Variants in CFTR observed in about 807,000 individuals in gnomAD.
CFTR encodes the protein cystic fibrosis transmembrane conductance regulator.
A neutral mutation model predicts 171.6 loss-of-function variants in CFTR; 181 were observed. That is an observed-to-expected ratio of 1.05 (90% CI 0.93 to 1.19). The LOEUF (loss-of-function observed/expected upper bound fraction) is 1.19. Among genes scored for constraint, CFTR ranks in the 50% most tolerant of loss-of-function variants. The pLI is 0.00. For missense variants in CFTR, 1,968 were observed against 1,734.7 expected (o/e 1.13, Z -2.39); for synonymous variants, 583 against 608.0 (o/e 0.96, Z 0.60).
At position 117,503,728 on chromosome 7, in the gene CFTR, A is replaced by C. The variant is rs942396245; in HGVS notation, c.54-525A>C. Among the ~76,000 whole-genome samples the C allele has an allele frequency of 9.2e-5, 14 of 152,344 alleles. No homozygotes were observed. In the Middle Eastern group the frequency reaches 0.01, roughly 111 times the overall value. On this transcript the variant is annotated intron_variant, in intron 1 of 26. Transcript: ENST00000003084. Reference sequence around the variant, plus strand: ...ACATGATAATTAAGTCAACAAATTGATAGAAACTAATCACTAACTCTCTGG... The same window carrying C: ...ACATGATAATTAAGTCAACAAATTGCTAGAAACTAATCACTAACTCTCTGG...
rs748899228 is a variant in CFTR at position 117,504,265 on chromosome 7, A to G, written c.66A>G (p.Pro22=). The change falls in exon 2 of 27, where the codon CCA becomes CCG. Residue 22 remains proline (P), a synonymous_variant. Coordinates refer to ENST00000003084, the MANE Select transcript of CFTR (RefSeq NM_000492.4). ...CTCTTTATTTTAGCTGGACCAGACC[A>G]ATTTTGAGGAAAGGATACAGACAGC... is the stretch of plus-strand genomic sequence containing the variant. ...VSKLFFSWTR[P]ILRKGYRQRL... The G allele has an allele frequency of 1.1e-5, 18 of 1,606,576 alleles. No individual in the cohort carries two copies. In the African/African-American group the frequency reaches 2.1e-4, roughly 19 times the overall value.
rs139054556 is a variant in CFTR, at chr7:117,559,500, C to G, written c.1429C>G (p.Pro477Ala). 3.7e-6 allele frequency: 6 copies of G among 1,610,962 alleles called. No homozygotes were observed. Among genetic ancestry groups the G allele is most frequent in the South Asian group, 2.2e-5 (2 of 91,020 alleles). ...LLMVIMGELE[P>A]SEGKIKHSGR... ...AATGGTGATTATGGGAGAACTGGAG[C>G]CTTCAGAGGGTAAAATTAAGCACAG... Residue 477 changes from proline to alanine, a missense_variant, in exon 11 of 27, where the codon CCT (proline) becomes GCT (alanine). By Grantham distance (27) the Pro-to-Ala change is conservative. Coordinates refer to ENST00000003084, the MANE Select transcript of CFTR (RefSeq NM_000492.4).
intron 3 of CFTR, among the ~76,000 whole-genome samples, chr7:117,512,664 C>T (rs1196083342): frequency 6.8e-5 from 10 of 146,790 alleles, no homozygotes. Flanking sequence ...AGACTCCTAG[C>T]ATGGAAGAGA....
chr7:117,509,059 A>G lies in CFTR; in HGVS notation c.190A>G (p.Lys64Glu), dbSNP rs1463491110. 1.9e-6 allele frequency: 3 copies of G among 1,612,566 alleles called. No individual in the cohort carries two copies. The highest frequency in any genetic ancestry group is 1.3e-5 in the African/African-American group (1 of 75,032). Residue 64 changes from lysine to glutamate, a missense_variant, in exon 3 of 27, where the codon AAG becomes GAG. Physicochemically the swap from Lys to Glu is moderately conservative, Grantham distance 56. Transcript: ENST00000003084. ...AGAATGGGATAGAGAGCTGGCTTCA[A>G]AGAAAAATCCTAAACTCATTAATGC... Reference protein sequence around the residue: ...EREWDRELASKKNPKLINALR... With the variant: ...EREWDRELASEKNPKLINALR...
chr7:117,486,191 A>G (rs1007180808), intron 1 of CFTR, among the ~76,000 whole-genome samples: 3 of 152,194 alleles, frequency 2.0e-5, no homozygotes, highest in Non-Finnish European at 2.9e-5. Context: ...AGGACTACTC[A>G]GGCCTGAAGC....
chr7:117,666,200 TAAAAC>T (rs1002420125), intron 26 of CFTR, among the ~76,000 whole-genome samples: 24 of 152,264 alleles, frequency 1.6e-4, no homozygotes, highest in African/African-American at 5.8e-4. Flanking sequence ...CTGTCTTTAT[TAAAAC>T]AAAACAAAAC....
chr7:117,577,917 C>T (rs562799667), intron 11 of CFTR, among the ~76,000 whole-genome samples: 37 of 152,208 alleles, frequency 2.4e-4, no homozygotes, highest in African/African-American at 8.9e-4. Flanking sequence ...AGAAAATAAT[C>T]ATCCCCTTTT....
intron 23 of CFTR, among the ~76,000 whole-genome samples, chr7:117,644,589 T>C (rs979345785): frequency 1.1e-3 from 165 of 152,184 alleles, no homozygotes; most frequent in African/African-American, 3.8e-3. Flanking sequence ...TTTTCAGACA[T>C]ATGAAACAGG....
chr7:117,639,794 A>C (rs1211144097), intron 22 of CFTR, among the ~76,000 whole-genome samples: 4 of 152,204 alleles, frequency 2.6e-5, no homozygotes, highest in African/African-American at 9.6e-5. Flanking sequence ...TATTCTCAAT[A>C]CTATGTTTCA....
intron 3 of CFTR, among the ~76,000 whole-genome samples, chr7:117,514,045 T>C (rs1394780114): frequency 6.6e-6 from 1 of 152,160 alleles, no homozygotes; most frequent in East Asian, 1.9e-4. Flanking sequence ...CGATTCTAAT[T>C]ATATAGCCAA....
chr7:117,543,245 T>G (rs1476418311), intron 9 of CFTR, among the ~76,000 whole-genome samples: 1 of 152,222 alleles, frequency 6.6e-6, no homozygotes, highest in Non-Finnish European at 1.5e-5. Flanking sequence ...TCATTTTACT[T>G]CATTTTTTAA....
At position 117,530,901 on chromosome 7, in the gene CFTR, A is replaced by T. The variant is rs397508432; in HGVS notation, c.276A>T (p.Glu92Asp). ...TCTCTGTTTTTCCCCTTTTGTAGGA[A>T]GTCACCAAAGCAGTACAGCCTCTCT... ...MFYGIFLYLG[E>D]VTKAVQPLLL... is the part of the protein sequence containing the mutation. Residue 92 changes from glutamate (E) to aspartate (D), a missense_variant and splice_region_variant, in exon 4 of 27, where the codon GAA (glutamate) becomes GAT (aspartate). By Grantham distance (45) the Glu-to-Asp change is conservative. Coordinates refer to ENST00000003084, the MANE Select transcript of CFTR (RefSeq NM_000492.4). 1 of 1,602,462 alleles carries T rather than the reference A, an allele frequency of 6.2e-7. No individual in the cohort carries two copies. The highest frequency in any genetic ancestry group is 8.5e-7 in the Non-Finnish European group (1 of 1,170,054).
intron 15 of CFTR, 96 bp downstream of exon 15, chr7:117,595,154 T>C (rs112839624): frequency 1.5e-5 from 14 of 954,132 alleles, no homozygotes; most frequent in African/African-American, 8.1e-5. Context: ...TAAATATGTA[T>C]ATATACACAT....
intron 10 of CFTR, among the ~76,000 whole-genome samples, chr7:117,555,026 G>C (rs1799329745): frequency 1.3e-5 from 2 of 151,694 alleles, no homozygotes; most frequent in Non-Finnish European, 2.9e-5. Context: ...GAACTGCATG[G>C]GTCCACTTAT....
intron 11 of CFTR, among the ~76,000 whole-genome samples, chr7:117,579,978 T>A (rs1791826522): frequency 6.6e-6 from 1 of 151,918 alleles, no homozygotes. Flanking sequence ...GGATACTCAA[T>A]GTATAACCTG....
At chr7:117,536,364 C>T (rs1798955141) in intron 6 of CFTR, among the ~76,000 whole-genome samples, 184 bp from the exon 7 acceptor site, 1 of 152,208 alleles carries the variant, frequency 6.6e-6, no homozygotes, top group African/African-American at 2.4e-5. Context: ...TGTACAGCGT[C>T]TGGCACATAG....
chr7:117,571,266 C>T (rs1791682870), intron 11 of CFTR, among the ~76,000 whole-genome samples: 1 of 152,086 alleles, frequency 6.6e-6, no homozygotes, highest in African/African-American at 2.4e-5. Context: ...GACTTACTTA[C>T]CAGGGAGCTG....
At chr7:117,524,374 T>A (rs193201453) in intron 3 of CFTR, among the ~76,000 whole-genome samples, 9 of 144,866 alleles carry the variant, frequency 6.2e-5, no homozygotes, top group African/African-American at 1.3e-4. Context: ...TTTGGCCAAG[T>A]ACAAACCCAC....
intron 20 of CFTR, among the ~76,000 whole-genome samples, chr7:117,614,382 C>T (rs1333317109): frequency 6.6e-6 from 1 of 152,108 alleles, no homozygotes; most frequent in African/African-American, 2.4e-5. Flanking sequence ...CAACACTTTC[C>T]TAATATTCAA....
Sources: gnomAD v4.1 joint callset for allele counts (sites outside exome capture counted in the v4.1 genomes callset) on GRCh38, gnomAD v4.1.1 for gene constraint, MANE v1.5 for transcripts, NCBI Gene and HGNC (gene_info 2026-07-23, HGNC 2026-07-21) for gene names.